MAGI2: variants seen among roughly 807,000 people sequenced by gnomAD.
The protein encoded by MAGI2 is membrane associated guanylate kinase, WW and PDZ domain containing 2.
MAGI2 carries 35 observed loss-of-function variants against 133.3 expected under a neutral mutation model. The observed-to-expected ratio is 0.26, with a 90% CI of 0.20 to 0.35. The LOEUF (loss-of-function observed/expected upper bound fraction) is 0.35. Ranked by LOEUF, MAGI2 falls within the 10% of genes least tolerant of loss-of-function variation. MAGI2 has a pLI of 1.00. For missense variants in MAGI2, 1,636 were observed against 1,863.4 expected, an observed-to-expected ratio of 0.88 and a Z score of 2.25; for synonymous variants, 729 against 710.6, an observed-to-expected ratio of 1.03 and a Z score of -0.41.
chr7:78,720,966 A>C (rs1326260469), intron 2 of MAGI2, among the ~76,000 whole-genome samples: 1 of 152,116 alleles, frequency 6.6e-6, no homozygotes, highest in Non-Finnish European at 1.5e-5. Context: ...ATCGCAACAT[A>C]ATTGATTGAA....
At chr7:78,911,498 T>A (rs1798394338) in intron 2 of MAGI2, among the ~76,000 whole-genome samples, 2 of 152,122 alleles carry the variant, frequency 1.3e-5, no homozygotes, top group African/African-American at 4.8e-5. Flanking sequence ...GAAGATGCCA[T>A]CTATGAGTCT....
intron 3 of MAGI2, among the ~76,000 whole-genome samples, chr7:78,614,113 A>G (rs1416668703): frequency 6.6e-6 from 1 of 151,852 alleles, no homozygotes; most frequent in Admixed American, 6.6e-5. Flanking sequence ...TCATCTAAAA[A>G]AAAAAAAAAA....
chr7:78,308,440 G>C (rs548687748), intron 9 of MAGI2, among the ~76,000 whole-genome samples: 12 of 152,120 alleles, frequency 7.9e-5, no homozygotes, highest in African/African-American at 2.7e-4. Context: ...AAATTAAAAG[G>C]CTTCTTATTT....
intron 3 of MAGI2, among the ~76,000 whole-genome samples, chr7:78,584,421 GAAAAAAAAA>G (rs57844382): frequency 6.9e-4 from 58 of 83,960 alleles, no homozygotes; most frequent in East Asian, 2.9e-3. Flanking sequence ...CTCCGTCTCA[GAAAAAAAAA>G]AAAAAAAAAA....
chr7:78,449,787 C>T (rs1788530635), intron 6 of MAGI2, among the ~76,000 whole-genome samples: 1 of 152,018 alleles, frequency 6.6e-6, no homozygotes, highest in Non-Finnish European at 1.5e-5. Flanking sequence ...TAGACATTAT[C>T]ACTTAACCGA....
chr7:78,252,500 C>G (rs1344461715), intron 10 of MAGI2: 1 of 150,028 alleles, frequency 6.7e-6, no homozygotes, highest in Non-Finnish European at 1.5e-5. Flanking sequence ...GCCCTTAATT[C>G]ACAGTATACA....
At chr7:78,364,370 C>G (rs984395572) in intron 7 of MAGI2, among the ~76,000 whole-genome samples, 6 of 152,162 alleles carry the variant, frequency 3.9e-5, no homozygotes, top group Admixed American at 3.9e-4. Flanking sequence ...TCTCTCTAAC[C>G]ACTTCCCAAC....
At chr7:79,317,013 C>CTT (rs1563108930) in intron 1 of MAGI2, among the ~76,000 whole-genome samples, 1 of 122,668 alleles carries the variant, frequency 8.2e-6, no homozygotes. Flanking sequence ...TTTTTTTTTT[C>CTT]TTTTTCTTTT....
intron 21 of MAGI2, among the ~76,000 whole-genome samples, chr7:78,063,381 A>T (rs1009651634): frequency 6.6e-6 from 1 of 152,190 alleles, no homozygotes; most frequent in Non-Finnish European, 1.5e-5. Flanking sequence ...AGATGGAACT[A>T]CAGTCATGTG....
Position 78,914,770 on chromosome 7 carries a change from T to G in MAGI2, c.418+92320A>C, listed in dbSNP as rs943682298. 7.9e-5 allele frequency among the ~76,000 whole-genome samples: 12 copies of G among 152,184 alleles called. No individual in the cohort carries two copies. The South Asian group carries it at 2.5e-3, about 32-fold the overall frequency. On this transcript the variant is annotated intron_variant, in intron 2 of 21. Coordinates refer to ENST00000354212, the MANE Select transcript of MAGI2 (RefSeq NM_012301.4). ...ACAACTGGACAAATACTTAAAAAAG[T>G]GTCTCAGTATGGCAAAAAATATTTT... is the stretch of plus-strand genomic sequence containing the variant.
chr7:78,900,939 G>A (rs1797576768), intron 2 of MAGI2, among the ~76,000 whole-genome samples: 1 of 152,090 alleles, frequency 6.6e-6, no homozygotes, highest in South Asian at 2.1e-4. Flanking sequence ...AATTCTTTCA[G>A]TTCATTGATT....
intron 3 of MAGI2, among the ~76,000 whole-genome samples, chr7:78,530,115 T>C (rs916677798): frequency 6.6e-6 from 1 of 152,190 alleles, no homozygotes; most frequent in African/African-American, 2.4e-5. Context: ...TTTAAATTAC[T>C]ATATTATCAC....
At chr7:78,606,837 CTT>C (rs1424053308) in intron 3 of MAGI2, among the ~76,000 whole-genome samples, 2 of 22,928 alleles carry the variant, frequency 8.7e-5, no homozygotes, top group African/African-American at 2.8e-4. Context: ...CCACAATTTT[CTT>C]TATGTTTTCT....
rs578167767 is a variant in MAGI2 at position 79,184,642 on chromosome 7, G to T, written c.302-177436C>A. Among the ~76,000 whole-genome samples, 10 of 151,808 alleles carry T rather than the reference G, an allele frequency of 6.6e-5. No individual in the cohort carries two copies. In the East Asian group the frequency reaches 1.9e-3, roughly 29 times the overall value. On this transcript the variant is annotated intron_variant, in intron 1 of 21. Transcript: ENST00000354212. Reference sequence around the variant, plus strand: ...TGCATAGGAGAAAAGCAGAAGGAAAGCTGACTCTTTCTAAGCTATTAGAAA... The same window carrying T: ...TGCATAGGAGAAAAGCAGAAGGAAATCTGACTCTTTCTAAGCTATTAGAAA...
At chr7:78,467,620 A>G (rs1483485627) in intron 6 of MAGI2, among the ~76,000 whole-genome samples, 4 of 151,868 alleles carry the variant, frequency 2.6e-5, no homozygotes, top group Non-Finnish European at 5.9e-5. Flanking sequence ...TCAATATAAA[A>G]TGCAATTTGG....
chr7:79,415,291 A>T (rs941925156), intron 1 of MAGI2: 2 of 152,026 alleles, frequency 1.3e-5, no homozygotes, highest in Non-Finnish European at 2.9e-5. Flanking sequence ...GGCTAATTGT[A>T]TGTCTCTTAG....
chr7:78,271,933 C>T (rs1016605023), intron 9 of MAGI2, among the ~76,000 whole-genome samples: 1 of 152,014 alleles, frequency 6.6e-6, no homozygotes, highest in African/African-American at 2.4e-5. Context: ...TTTTTTGTGT[C>T]TCTATCTCCT....
chr7:78,760,275 C>T (rs1440840040), intron 2 of MAGI2, among the ~76,000 whole-genome samples: 1 of 151,762 alleles, frequency 6.6e-6, no homozygotes, highest in Non-Finnish European at 1.5e-5. Flanking sequence ...TGTAACAGTT[C>T]CTGTATTAAA....
chr7:78,290,704 C>G (rs1796615059), intron 9 of MAGI2, among the ~76,000 whole-genome samples: 1 of 152,202 alleles, frequency 6.6e-6, no homozygotes, highest in South Asian at 2.1e-4. Flanking sequence ...GGAAGTAAAG[C>G]ACTCCTCAGC....
Sources: gnomAD v4.1 joint callset for allele counts (sites outside exome capture counted in the v4.1 genomes callset) on GRCh38, gnomAD v4.1.1 for gene constraint, MANE v1.5 for transcripts, NCBI Gene and HGNC (gene_info 2026-07-23, HGNC 2026-07-21) for gene names.